The following RBM26 variants were observed in gnomAD, a reference collection of about 807,000 sequenced individuals.
The protein encoded by RBM26 is RNA-binding protein 26.
RBM26 carries 30 observed loss-of-function variants against 123.6 expected under a neutral mutation model. The ratio of observed to expected loss-of-function variants is 0.24; its 90% CI spans 0.18 to 0.33. The LOEUF is 0.33. Among genes scored for constraint, RBM26 ranks in the 10% least tolerant of loss-of-function variants. The pLI, the probability that RBM26 is intolerant of heterozygous loss-of-function variation, is 1.00. For synonymous variants in RBM26, 400 were observed against 404.4 expected (o/e 0.99, Z 0.13); for missense variants, 947 against 1,203.6 (o/e 0.79, Z 3.15).
chr13:79,369,461 C>T (rs2075660185), intron 5 of RBM26, among the ~76,000 whole-genome samples: 1 of 152,114 alleles, frequency 6.6e-6, no homozygotes, highest in Non-Finnish European at 1.5e-5. Context: ...CTAGACTATA[C>T]ATATGGTCCT....
Position 79,355,306 on chromosome 13 carries a change from T to C in RBM26, c.1768A>G (p.Thr590Ala). 1 of 1,613,982 alleles carries C rather than the reference T, an allele frequency of 6.2e-7. No individual in the cohort carries two copies. Among genetic ancestry groups the C allele is most frequent in the Non-Finnish European group, 8.5e-7 (1 of 1,179,850 alleles). The change falls in exon 12 of 22, where the codon ACG (threonine) becomes GCG (alanine). Residue 590 changes from threonine (T) to alanine (A), a missense_variant. Thr to Ala is a moderately conservative substitution (Grantham distance 58). Coordinates refer to ENST00000438737, the MANE Select transcript of RBM26 (RefSeq NM_001366735.2). ...AAGCGATTGTTTAATACTGCTTCCG[T>C]ACTTGATATTGCTTTCTTTGCTTCT... is the stretch of plus-strand genomic sequence containing the variant. Reference protein sequence around the residue: ...YEEAKKAISSTEAVLNNRFIK... With the variant: ...YEEAKKAISSAEAVLNNRFIK...
Position 79,319,993 on chromosome 13 carries a change from T to C in RBM26, c.*628A>G. On this transcript the variant is annotated 3_prime_UTR_variant, in exon 22 of 22. Coordinates refer to ENST00000438737, the MANE Select transcript of RBM26 (RefSeq NM_001366735.2). The stretch of plus-strand genomic sequence containing the variant: ...TTTGTCATTGCTTTTCTCTTTTCTT[T>C]CCTTTTTTTTTTTTAAAGAGACCAT... 6.2e-6 allele frequency: 5 copies of C among 802,422 alleles called. No individual in the cohort carries two copies. The highest frequency in any genetic ancestry group is 7.4e-6 in the Non-Finnish European group (5 of 677,992). The allele number at this position is 802,422 out of a possible 1,614,324, so 49.7% of individuals were successfully genotyped here. A position where few individuals can be genotyped will look rare whatever the true frequency, so the allele number is the denominator to read the frequency against.
rs1218777648 is a variant in RBM26, at chr13:79,373,458, TATATAATATGTATAAATATAC to T, written c.328-1549_328-1529del. Among the ~76,000 whole-genome samples, 130 of 27,432 alleles carry T rather than the reference TATATAATATGTATAAATATAC, an allele frequency of 4.7e-3. 7 individuals carry two copies. The highest frequency in any genetic ancestry group is 0.014 in the African/African-American group (125 of 9,252). 18.0% of individuals were successfully genotyped at this position (27,432 alleles called of 152,430 possible). On this transcript the variant is annotated intron_variant, in intron 3 of 21. Coordinates refer to ENST00000438737, the MANE Select transcript of RBM26 (RefSeq NM_001366735.2). The stretch of plus-strand genomic sequence containing the variant: ...ATATATTATATATTATATATAAATA[TATATAATATGTATAAATATAC>T]AAATATATATAATATGTATAAATAT...
rs1594139465 is a variant in RBM26, at chr13:79,344,893, G to C, written c.2059-99C>G. ...TTTAAAGCACTACTGTTAAACTTCA[G>C]CTTCAAAACACACTGAACTAAATGT... On this transcript the variant is annotated intron_variant, in intron 14 of 21. Transcript: ENST00000438737. 6.4e-6 allele frequency: 7 copies of C among 1,098,048 alleles called. No homozygotes were observed. The East Asian group carries it at 1.8e-4, about 27-fold the overall frequency. The allele number at this position is 1,098,048 out of a possible 1,614,324, so 68.0% of individuals were successfully genotyped here.
At chr13:79,367,334 G>C (rs1274998264) in intron 6 of RBM26, among the ~76,000 whole-genome samples, 1 of 147,906 alleles carries the variant, frequency 6.8e-6, no homozygotes, top group Non-Finnish European at 1.5e-5. Flanking sequence ...TAGAACCCGG[G>C]AGGCAGTGGT....
intron 18 of RBM26, 47 bp downstream of exon 18, chr13:79,341,076 T>G (rs367921168): frequency 1.8e-6 from 2 of 1,105,106 alleles, no homozygotes; most frequent in Non-Finnish European, 2.7e-6. Flanking sequence ...CCACTACAAC[T>G]ACATTTGCTT....
chr13:79,338,760 A>T (rs560656934), intron 18 of RBM26, among the ~76,000 whole-genome samples: 18 of 152,366 alleles, frequency 1.2e-4, no homozygotes, highest in African/African-American at 4.3e-4. Context: ...GAAACCATTC[A>T]GTATGCCACT....
chr13:79,357,376 G>T (rs1235690003), intron 11 of RBM26, among the ~76,000 whole-genome samples: 1 of 151,724 alleles, frequency 6.6e-6, no homozygotes, highest in East Asian at 1.9e-4. Context: ...ATTGCAAAAA[G>T]AACACCATAC....
chr13:79,404,147 C>T (rs1594797337), intron 1 of RBM26, among the ~76,000 whole-genome samples: 2 of 152,184 alleles, frequency 1.3e-5, no homozygotes, highest in South Asian at 4.1e-4. Flanking sequence ...ATCCCACAGA[C>T]TTCATACTTA....
intron 1 of RBM26, 31 bp downstream of exon 1, chr13:79,405,673 C>A: frequency 6.6e-7 from 1 of 1,510,270 alleles, no homozygotes; most frequent in Non-Finnish European, 9.1e-7. Context: ...CCACTGCCAT[C>A]CCTGCAAAGA....
At chr13:79,327,803 G>A (rs2068669176) in intron 20 of RBM26, among the ~76,000 whole-genome samples, 3 of 152,116 alleles carry the variant, frequency 2.0e-5, no homozygotes, top group African/African-American at 7.2e-5. Context: ...ACAGATGAGG[G>A]TTGAAAAATT....
chr13:79,388,850 G>A (rs929406368), intron 1 of RBM26, among the ~76,000 whole-genome samples: 1 of 151,988 alleles, frequency 6.6e-6, no homozygotes, highest in African/African-American at 2.4e-5. Context: ...AATAAGAAAC[G>A]TCACAATGAC....
At chr13:79,340,068 T>C (rs2071105134) in intron 18 of RBM26, among the ~76,000 whole-genome samples, 1 of 152,124 alleles carries the variant, frequency 6.6e-6, no homozygotes, top group African/African-American at 2.4e-5. Context: ...GAAAATGATA[T>C]TTTGTTTCAA....
intron 1 of RBM26, among the ~76,000 whole-genome samples, chr13:79,385,877 G>A (rs1223643314): frequency 6.6e-6 from 1 of 151,696 alleles, no homozygotes; most frequent in African/African-American, 2.4e-5. Flanking sequence ...CTCTATGTGT[G>A]GCAAAAATGA....
At chr13:79,358,789 AT>A (rs1272439476) in intron 10 of RBM26, among the ~76,000 whole-genome samples, 1 of 152,230 alleles carries the variant, frequency 6.6e-6, no homozygotes, top group South Asian at 2.1e-4. Flanking sequence ...TTACTAAAAA[AT>A]ATCCTATCTT....
intron 20 of RBM26, among the ~76,000 whole-genome samples, chr13:79,324,419 C>T (rs571689524): frequency 2.0e-5 from 3 of 151,746 alleles, no homozygotes; most frequent in Non-Finnish European, 2.9e-5. Context: ...TGTATTTGTA[C>T]ATCTTGTGTG....
intron 18 of RBM26, among the ~76,000 whole-genome samples, chr13:79,337,933 T>G (rs1425635023): frequency 1.1e-4 from 16 of 152,118 alleles, no homozygotes; most frequent in Non-Finnish European, 1.5e-5. Context: ...ACAACTAAGT[T>G]ATGGCCAGGA....
chr13:79,354,680 A>G (rs2073755067), intron 12 of RBM26, 110 bp from the exon 13 acceptor site: 1 of 1,000,982 alleles, frequency 1.0e-6, no homozygotes, highest in Admixed American at 3.3e-5. Context: ...TTTAAAATGC[A>G]GCTTATAGTC....
rs749517844 is a variant in RBM26, at chr13:79,320,676, A to G, written c.2969T>C (p.Leu990Pro). The change falls in exon 22 of 22, where the codon CTT (leucine) becomes CCT (proline). Residue 990 changes from leucine (L) to proline (P), a missense_variant. By Grantham distance (98) the Leu-to-Pro change is moderately conservative. Around this residue, in one of 5 missense-constraint regions of RBM26, gnomAD observed 164 missense variants for 215.3 expected, o/e 0.76. Transcript: ENST00000438737. Reference sequence around the variant, plus strand: ...CTCTTCTTCTTCATCATCATCTTGAAGTAATGAGTCATCCACCAAAGACTC... The same window carrying G: ...CTCTTCTTCTTCATCATCATCTTGAGGTAATGAGTCATCCACCAAAGACTC... The part of the protein sequence containing the change: ...QEESLVDDSL[L>P]QDDDEEEEDN... 1 of 1,599,376 alleles carries G rather than the reference A, an allele frequency of 6.3e-7. No homozygotes were observed. The highest frequency in any genetic ancestry group is 2.2e-5 in the East Asian group (1 of 44,476).
Sources: allele counts gnomAD v4.1 joint callset (sites outside exome capture counted in the v4.1 genomes callset), GRCh38; gene constraint gnomAD v4.1.1; regional missense constraint gnomAD v4.1.1; transcripts MANE v1.5; gene names NCBI Gene and HGNC (gene_info 2026-07-23, HGNC 2026-07-21).